Variants in NHLRC2 observed in about 807,000 individuals in gnomAD.
The protein encoded by NHLRC2 is NHL repeat containing 2.
Under a neutral mutation model 68.1 loss-of-function variants are expected in NHLRC2, and 33 were observed. The observed-to-expected ratio is 0.48, with a 90% CI of 0.37 to 0.65. The LOEUF is 0.65. Ranked by LOEUF, NHLRC2 falls within the 30% of genes least tolerant of loss-of-function variation. The pLI is 0.00. For missense variants in NHLRC2, 761 were observed against 853.8 expected, an observed-to-expected ratio of 0.89 and a Z score of 1.35; for synonymous variants, 311 against 309.6, an observed-to-expected ratio of 1.00 and a Z score of -0.05.
chr10:113,901,984 A>G (rs1444299577), intron 7 of NHLRC2, 87 bp downstream of exon 7: 2 of 952,516 alleles, frequency 2.1e-6, no homozygotes, highest in African/African-American at 1.6e-5. Flanking sequence ...AAGATTTAAG[A>G]GAGACCATCC....
intron 5 of NHLRC2, among the ~76,000 whole-genome samples, chr10:113,885,167 C>T (rs76056863): frequency 0.013 from 2,002 of 151,916 alleles, 41 homozygotes; most frequent in African/African-American, 0.044. Flanking sequence ...TTTGAGGTAA[C>T]TTTCTTTTAT....
intron 7 of NHLRC2, 59 bp downstream of exon 7, chr10:113,901,956 G>A: frequency 3.4e-6 from 4 of 1,186,766 alleles, no homozygotes; most frequent in Non-Finnish European, 5.0e-6. Flanking sequence ...TCAATTTTGT[G>A]AATTATGGAA....
intron 5 of NHLRC2, among the ~76,000 whole-genome samples, chr10:113,894,572 C>T (rs1208433330): frequency 1.3e-5 from 2 of 151,466 alleles, no homozygotes; most frequent in Non-Finnish European, 2.9e-5. Context: ...CTTCTTTTTC[C>T]TTCTTTGTTG....
At chr10:113,907,505 G>T (rs944448852) in intron 10 of NHLRC2, among the ~76,000 whole-genome samples, 1 of 152,170 alleles carries the variant, frequency 6.6e-6, no homozygotes, top group Non-Finnish European at 1.5e-5. Context: ...GTATGTGTCT[G>T]TGCTTCCCCA....
chr10:113,894,013 C>G (rs1245126300), intron 5 of NHLRC2, among the ~76,000 whole-genome samples: 1 of 152,058 alleles, frequency 6.6e-6, no homozygotes, highest in Non-Finnish European at 1.5e-5. Context: ...GGAATTCTTG[C>G]AGTAATCCCT....
intron 6 of NHLRC2, among the ~76,000 whole-genome samples, chr10:113,900,631 T>A (rs1846219429): frequency 6.6e-6 from 1 of 152,220 alleles, no homozygotes; most frequent in South Asian, 2.1e-4. Context: ...AGGAAACTCC[T>A]TTTTAAAGTA....
intron 4 of NHLRC2, 41 bp from the exon 5 acceptor site, chr10:113,884,210 G>A: frequency 6.3e-7 from 1 of 1,581,936 alleles, no homozygotes; most frequent in Non-Finnish European, 8.6e-7. Flanking sequence ...AAAAGCAAAA[G>A]TAACATTCAT....
rs527646459 is a variant in NHLRC2 at position 113,911,776 on chromosome 10, T to C, written c.*3240T>C. The C allele has an allele frequency of 3.6e-4, 55 of 152,304 alleles. No homozygotes were observed. The highest frequency in any genetic ancestry group is 1.3e-3 in the African/African-American group (53 of 41,596). 9.4% of individuals were successfully genotyped at this position (152,304 alleles called of 1,614,324 possible). A position where few individuals can be genotyped will look rare whatever the true frequency, so the allele number is the denominator to read the frequency against. ...CAATCATCAAAATCTACTTAAATTC[T>C]ATAGTTAACAGTTACATAAGAATAT... On this transcript the variant is annotated 3_prime_UTR_variant, in exon 11 of 11. Transcript: ENST00000369301.
chr10:113,911,736 C>T lies in NHLRC2; in HGVS notation c.*3200C>T, dbSNP rs955577768. The T allele has an allele frequency of 3.3e-5, 5 of 152,164 alleles. No homozygotes were observed. Among genetic ancestry groups the T allele is most frequent in the African/African-American group, 4.8e-5 (2 of 41,454 alleles). The allele number at this position is 152,164 out of a possible 1,614,324, so 9.4% of individuals were successfully genotyped here. The stretch of plus-strand genomic sequence containing the variant: ...TTAAAAATACGATAGTTAGATTTGG[C>T]ATCACGTTTAACCACAATCATCAAA... On this transcript the variant is annotated 3_prime_UTR_variant, in exon 11 of 11. Coordinates refer to ENST00000369301, the MANE Select transcript of NHLRC2 (RefSeq NM_198514.4).
At chr10:113,883,310 T>G (rs1846052085) in intron 4 of NHLRC2, among the ~76,000 whole-genome samples, 1 of 151,928 alleles carries the variant, frequency 6.6e-6, no homozygotes, top group South Asian at 2.1e-4. Flanking sequence ...TCTCTTGCTT[T>G]TAAGCATTAG....
chr10:113,905,047 A>G lies in NHLRC2; in HGVS notation c.1924+11A>G. 7.5e-7 allele frequency: 1 copy of G among 1,331,530 alleles called. No individual in the cohort carries two copies. The highest frequency in any genetic ancestry group is 2.4e-5 in the East Asian group (1 of 42,228). 82.5% of individuals were successfully genotyped at this position (1,331,530 alleles called of 1,614,324 possible). The stretch of plus-strand genomic sequence containing the variant: ...TTCTAACAGCTGAAGGTATGAGTAT[A>G]AGCTTGCAAATACTAATACATCATA... On this transcript the variant is annotated intron_variant, in intron 10 of 10. Coordinates refer to ENST00000369301, the MANE Select transcript of NHLRC2 (RefSeq NM_198514.4).
At chr10:113,870,859 A>C (rs1160907810) in intron 2 of NHLRC2, among the ~76,000 whole-genome samples, 1 of 152,046 alleles carries the variant, frequency 6.6e-6, no homozygotes, top group African/African-American at 2.4e-5. Flanking sequence ...TCTTGGTGTA[A>C]TTTTAAGATG....
chr10:113,890,625 A>G (rs145444567), intron 5 of NHLRC2, among the ~76,000 whole-genome samples: 31 of 152,126 alleles, frequency 2.0e-4, no homozygotes, highest in African/African-American at 7.5e-4. Flanking sequence ...TCTTAATATT[A>G]TATTCAATAA....
At chr10:113,883,787 CACACAGTTATG>C (rs1314014476) in intron 4 of NHLRC2, among the ~76,000 whole-genome samples, 1 of 151,934 alleles carries the variant, frequency 6.6e-6, no homozygotes, top group Non-Finnish European at 1.5e-5. Context: ...TTAAAATCGT[CACACAGTTATG>C]AGCATGGCTG....
rs550213302 is a variant in NHLRC2, at chr10:113,907,672, G to A, written c.1925-608G>A. Reference sequence around the variant, plus strand: ...TAGGAAGAGTTTTACGTATTATAATGAGATATACAAAATCTCTTGGTTTTT... The same window carrying A: ...TAGGAAGAGTTTTACGTATTATAATAAGATATACAAAATCTCTTGGTTTTT... On this transcript the variant is annotated intron_variant, in intron 10 of 10. Transcript: ENST00000369301. Among the ~76,000 whole-genome samples the A allele has an allele frequency of 6.6e-5, 10 of 152,298 alleles. No homozygotes were observed. In the East Asian group the frequency reaches 1.5e-3, roughly 23 times the overall value.
intron 3 of NHLRC2, 86 bp from the exon 4 acceptor site, chr10:113,879,488 T>C: frequency 1.7e-6 from 2 of 1,174,158 alleles, no homozygotes; most frequent in Non-Finnish European, 2.4e-6. Flanking sequence ...TATATTAAAA[T>C]CCCAGCATTA....
intron 3 of NHLRC2, among the ~76,000 whole-genome samples, chr10:113,877,403 T>A (rs1002681531): frequency 3.3e-5 from 5 of 152,276 alleles, no homozygotes; most frequent in South Asian, 4.1e-4. Context: ...GAACTTGAGA[T>A]GTAGTTTATA....
intron 5 of NHLRC2, among the ~76,000 whole-genome samples, chr10:113,887,672 T>C (rs1302493833): frequency 6.6e-6 from 1 of 152,100 alleles, no homozygotes; most frequent in Non-Finnish European, 1.5e-5. Context: ...CTTGGGAGGC[T>C]GAGGTGGGAG....
chr10:113,903,689 A>C lies in NHLRC2; in HGVS notation c.1657A>C (p.Asn553His), dbSNP rs748179470. ...GELLYVADTN[N>H]HQIKVMDLET... ...ATTATTATATGTAGCAGACACCAAT[A>C]ATCATCAAATTAAAGTGATGGATTT... The change falls in exon 9 of 11, where the codon AAT becomes CAT. Residue 553 changes from asparagine (N) to histidine (H), a missense_variant. Coordinates refer to ENST00000369301, the MANE Select transcript of NHLRC2 (RefSeq NM_198514.4). 2.5e-6 allele frequency: 4 copies of C among 1,597,572 alleles called. No individual in the cohort carries two copies. Among genetic ancestry groups the C allele is most frequent in the Non-Finnish European group, 2.6e-6 (3 of 1,165,108 alleles).
Sources: allele counts gnomAD v4.1 joint callset (sites outside exome capture counted in the v4.1 genomes callset), GRCh38; gene constraint gnomAD v4.1.1; transcripts MANE v1.5; gene names NCBI Gene and HGNC (gene_info 2026-07-23, HGNC 2026-07-21).